Variants in MED13L observed in about 807,000 individuals in gnomAD.
MED13L encodes the protein mediator of RNA polymerase II transcription subunit 13-like.
In MED13L, 7 loss-of-function variants were observed where a neutral mutation model predicts 220.9. The ratio of observed to expected loss-of-function variants is 0.03; its 90% CI spans 0.02 to 0.06. MED13L has a LOEUF of 0.06. Ranked by LOEUF, MED13L falls within the 10% of genes least tolerant of loss-of-function variation. The pLI is 1.00. For synonymous variants in MED13L, 1,011 were observed against 1,015.2 expected, an observed-to-expected ratio of 1.00 and a Z score of 0.08; for missense variants, 1,965 against 2,760.5, an observed-to-expected ratio of 0.71 and a Z score of 6.46.
chr12:116,058,783 T>C (rs1869186947), intron 4 of MED13L, among the ~76,000 whole-genome samples: 1 of 152,188 alleles, frequency 6.6e-6, no homozygotes, highest in African/African-American at 2.4e-5. Flanking sequence ...TGGACTTCTA[T>C]ATTTAGCATT....
intron 4 of MED13L, among the ~76,000 whole-genome samples, chr12:116,088,893 T>G (rs2137778206): frequency 6.6e-6 from 1 of 151,964 alleles, no homozygotes; most frequent in Non-Finnish European, 1.5e-5. Context: ...AGAATATAAT[T>G]CAAAATTATT....
chr12:115,964,905 G>A (rs1876032871), intron 29 of MED13L, among the ~76,000 whole-genome samples: 2 of 152,100 alleles, frequency 1.3e-5, no homozygotes, highest in African/African-American at 4.8e-5. Flanking sequence ...GGTGTTTATT[G>A]CTGCTAAGCT....
At chr12:116,141,184 C>T (rs2138048160) in intron 2 of MED13L, among the ~76,000 whole-genome samples, 1 of 152,226 alleles carries the variant, frequency 6.6e-6, no homozygotes, top group East Asian at 1.9e-4. Flanking sequence ...ATACTAGGTA[C>T]CTAATATGAA....
At chr12:116,217,669 C>T (rs1373401759) in intron 2 of MED13L, among the ~76,000 whole-genome samples, 1 of 152,194 alleles carries the variant, frequency 6.6e-6, no homozygotes, top group African/African-American at 2.4e-5. Context: ...ATTGTACCTT[C>T]CTGCTTACTT....
chr12:116,237,969 T>G (rs118175442), intron 1 of MED13L, among the ~76,000 whole-genome samples: 1 of 152,200 alleles, frequency 6.6e-6, no homozygotes, highest in African/African-American at 2.4e-5. Flanking sequence ...TTGAATAATT[T>G]AATTTGTCTA....
At chr12:116,138,550 A>C (rs571395996) in intron 2 of MED13L, among the ~76,000 whole-genome samples, 1 of 152,320 alleles carries the variant, frequency 6.6e-6, no homozygotes, top group South Asian at 2.1e-4. Context: ...CTAGAGTTTT[A>C]TGATTCAGTA....
intron 2 of MED13L, among the ~76,000 whole-genome samples, chr12:116,159,857 A>G (rs186192772): frequency 2.0e-4 from 30 of 152,368 alleles, no homozygotes; most frequent in Admixed American, 1.9e-3. Flanking sequence ...GAAAGGGATT[A>G]TAAATGTGCC....
At chr12:116,166,769 G>T (rs1879312676) in intron 2 of MED13L, among the ~76,000 whole-genome samples, 1 of 152,096 alleles carries the variant, frequency 6.6e-6, no homozygotes, top group Non-Finnish European at 1.5e-5. Context: ...GACCAAGTTT[G>T]TTTTTACTCC....
At chr12:116,067,852 CA>C (rs768050392) in intron 4 of MED13L, among the ~76,000 whole-genome samples, 8 of 152,244 alleles carry the variant, frequency 5.3e-5, no homozygotes, top group Non-Finnish European at 1.2e-4. Context: ...AAGCTTGCAG[CA>C]AATGTCTGGA....
intron 29 of MED13L, among the ~76,000 whole-genome samples, chr12:115,965,744 C>T (rs1329718395): frequency 2.0e-5 from 3 of 152,144 alleles, no homozygotes; most frequent in South Asian, 2.1e-4. Context: ...ATTATACCTT[C>T]GACACAGGCT....
At chr12:116,045,742 G>C (rs1325150224) in intron 4 of MED13L, among the ~76,000 whole-genome samples, 1 of 152,014 alleles carries the variant, frequency 6.6e-6, no homozygotes, top group Non-Finnish European at 1.5e-5. Flanking sequence ...AGTTGCTATT[G>C]TATCAGCAGC....
chr12:116,272,290 C>T (rs915943407), intron 1 of MED13L, among the ~76,000 whole-genome samples: 2 of 152,108 alleles, frequency 1.3e-5, no homozygotes, highest in Admixed American at 6.5e-5. Context: ...TGGCCGGGCG[C>T]AGTGGCTCAT....
Position 116,269,721 on chromosome 12 carries a change from T to C in MED13L, c.72+7339A>G, listed in dbSNP as rs77002320. Among the ~76,000 whole-genome samples, 435 of 152,152 alleles carry C rather than the reference T, an allele frequency of 2.9e-3. 3 individuals carry two copies. Among genetic ancestry groups the C allele is most frequent in the African/African-American group, 9.6e-3 (399 of 41,510 alleles). The stretch of plus-strand genomic sequence containing the variant: ...AATGGAGTTTTACTATACTGAAAAA[T>C]AGTACAAAATGTAGAAAGCTGTCAG... On this transcript the variant is annotated intron_variant, in intron 1 of 30. Coordinates refer to ENST00000281928, the MANE Select transcript of MED13L (RefSeq NM_015335.5).
At chr12:116,228,935 C>T (rs1297209234) in intron 2 of MED13L, among the ~76,000 whole-genome samples, 2 of 152,112 alleles carry the variant, frequency 1.3e-5, no homozygotes, top group African/African-American at 4.8e-5. Context: ...TGATCAACAA[C>T]CTCTTTTTTA....
At chr12:116,241,589 T>G (rs1245899738) in intron 1 of MED13L, among the ~76,000 whole-genome samples, 4 of 152,094 alleles carry the variant, frequency 2.6e-5, no homozygotes, top group Non-Finnish European at 5.9e-5. Context: ...TCCACTAACT[T>G]CCTATCAGTA....
At chr12:116,059,533 T>G (rs1226171934) in intron 4 of MED13L, among the ~76,000 whole-genome samples, 9 of 151,418 alleles carry the variant, frequency 5.9e-5, no homozygotes, top group African/African-American at 2.2e-4. Flanking sequence ...TTCTCCTGAG[T>G]CAGTCTCCCA....
At chr12:116,063,807 A>T (rs1489145935) in intron 4 of MED13L, among the ~76,000 whole-genome samples, 1 of 152,218 alleles carries the variant, frequency 6.6e-6, no homozygotes, top group Admixed American at 6.5e-5. Context: ...ACAGTGGTAG[A>T]GTCATCCCAC....
intron 7 of MED13L, 112 bp from the exon 8 acceptor site, chr12:116,015,386 A>C: frequency 8.5e-7 from 1 of 1,178,886 alleles, no homozygotes; most frequent in Non-Finnish European, 1.3e-6. Flanking sequence ...AGTCATATAC[A>C]TAGCTTTTTC....
Position 115,972,053 on chromosome 12 carries a change from A to T in MED13L, c.5890+25T>A. 3 of 1,612,208 alleles carry T rather than the reference A, an allele frequency of 1.9e-6. 1 individual carries two copies. Among genetic ancestry groups the T allele is most frequent in the Non-Finnish European group, 8.5e-7 (1 of 1,178,628 alleles). The stretch of plus-strand genomic sequence containing the variant: ...ACTGAATTGATGTGATATGTAATTA[A>T]TGACAATGACAAGAAGAAATTTACC... On this transcript the variant is annotated intron_variant, in intron 26 of 30. Transcript: ENST00000281928.
Sources: gnomAD v4.1 joint callset for allele counts (sites outside exome capture counted in the v4.1 genomes callset) on GRCh38, gnomAD v4.1.1 for gene constraint, MANE v1.5 for transcripts, NCBI Gene and HGNC (gene_info 2026-07-23, HGNC 2026-07-21) for gene names.